PMM2: variants seen among roughly 807,000 people sequenced by gnomAD.
The protein encoded by PMM2 is phosphomannomutase 2, also known as mannose-6-phosphate isomerase.
Under a neutral mutation model 33.2 loss-of-function variants are expected in PMM2, and 35 were observed. That is an observed-to-expected ratio of 1.06 (90% CI 0.81 to 1.40). PMM2 has a LOEUF of 1.40. Among genes scored for constraint, PMM2 ranks in the 40% most tolerant of loss-of-function variants. The pLI is 0.00. For missense variants in PMM2, 386 were observed against 306.0 expected (o/e 1.26, Z -1.95); for synonymous variants, 153 against 114.7 (o/e 1.33, Z -2.13).
intron 7 of PMM2, among the ~76,000 whole-genome samples, chr16:8,846,714 T>C (rs1354914238): frequency 6.6e-6 from 1 of 152,110 alleles, no homozygotes; most frequent in East Asian, 1.9e-4. Context: ...GCCACAGAGC[T>C]GTGAGCAAGC....
At position 8,810,817 on chromosome 16, in the gene PMM2, T is replaced by G. The variant is rs537368631; in HGVS notation, c.348-262T>G. ...AAAATATGAGCATTTTAACACAAAG[T>G]CAATATACAACATGATTGATGCAAT... On this transcript the variant is annotated intron_variant, in intron 4 of 7. Transcript: ENST00000268261. 5.9e-6 allele frequency: 3 copies of G among 508,016 alleles called. No homozygotes were observed. In the East Asian group the frequency reaches 1.1e-4, roughly 19 times the overall value. The allele number at this position is 508,016 out of a possible 1,614,324, so 31.5% of individuals were successfully genotyped here.
At chr16:8,816,637 A>G (rs2060710161) in intron 7 of PMM2, among the ~76,000 whole-genome samples, 2 of 151,974 alleles carry the variant, frequency 1.3e-5, no homozygotes, top group South Asian at 4.2e-4. Flanking sequence ...GCTACTTGGG[A>G]GGCTGAGGCA....
intron 7 of PMM2, among the ~76,000 whole-genome samples, chr16:8,841,451 G>T (rs1327574422): frequency 7.0e-6 from 1 of 142,806 alleles, no homozygotes; most frequent in South Asian, 2.4e-4. Flanking sequence ...GCCAGTCCTG[G>T]GTGGGGGCAA....
At chr16:8,798,221 C>T (rs1025577966) in intron 1 of PMM2, among the ~76,000 whole-genome samples, 6 of 152,230 alleles carry the variant, frequency 3.9e-5, no homozygotes, top group South Asian at 2.1e-4. Context: ...TCTGGACTCA[C>T]CGCTAGTGCT....
chr16:8,798,122 G>A (rs970590390), intron 1 of PMM2, among the ~76,000 whole-genome samples, 174 bp downstream of exon 1: 2 of 152,238 alleles, frequency 1.3e-5, no homozygotes, highest in African/African-American at 4.8e-5. Context: ...GCCCTAACCA[G>A]CTCTTGAAGA....
At chr16:8,843,801 A>AGAC (rs1292762636) in intron 7 of PMM2, among the ~76,000 whole-genome samples, 1 of 152,202 alleles carries the variant, frequency 6.6e-6, no homozygotes, top group Non-Finnish European at 1.5e-5. Flanking sequence ...ATTGAGAATA[A>AGAC]GACGGCCTTT....
In PMM2 at chr16:8,848,710, TG is replaced by T. The variant is rs2060945652; in HGVS notation, c.*887del. On this transcript the variant is annotated 3_prime_UTR_variant, in exon 8 of 8. Coordinates refer to ENST00000268261, the MANE Select transcript of PMM2 (RefSeq NM_000303.3). Reference sequence around the variant, plus strand: ...TTCTGGTTGCCCCTGGCTGGCTTCCTGGAGGCGTTCGCCTCTAGTTTCTCAG... The same window carrying T: ...TTCTGGTTGCCCCTGGCTGGCTTCCTGAGGCGTTCGCCTCTAGTTTCTCAG... The T allele has an allele frequency of 6.6e-6, 1 of 152,306 alleles. No individual in the cohort carries two copies. Among genetic ancestry groups the T allele is most frequent in the South Asian group, 2.1e-4 (1 of 4,834 alleles). The allele number at this position is 152,306 out of a possible 1,614,324, so 9.4% of individuals were successfully genotyped here.
chr16:8,816,625 C>T (rs921259511), intron 7 of PMM2, among the ~76,000 whole-genome samples: 1 of 151,968 alleles, frequency 6.6e-6, no homozygotes, highest in African/African-American at 2.4e-5. Flanking sequence ...CCTGTCATCC[C>T]AGCTACTTGG....
At chr16:8,843,781 T>C (rs917869039) in intron 7 of PMM2, among the ~76,000 whole-genome samples, 1 of 152,156 alleles carries the variant, frequency 6.6e-6, no homozygotes, top group Non-Finnish European at 1.5e-5. Flanking sequence ...GATTGGGTAA[T>C]AAAATGTATA....
chr16:8,810,833 T>A, intron 4 of PMM2: 1 of 548,536 alleles, frequency 1.8e-6, no homozygotes, highest in South Asian at 2.0e-5. Context: ...TACAACATGA[T>A]TGATGCAATT....
intron 7 of PMM2, among the ~76,000 whole-genome samples, chr16:8,824,456 A>C (rs1476333936): frequency 6.6e-6 from 1 of 152,274 alleles, no homozygotes; most frequent in Non-Finnish European, 1.5e-5. Context: ...TTAACAGAAC[A>C]GTTATAATTA....
intron 7 of PMM2, 93 bp downstream of exon 7, chr16:8,813,199 T>C: frequency 3.6e-6 from 3 of 840,432 alleles, no homozygotes; most frequent in Non-Finnish European, 6.3e-6. Context: ...ACCTACACTT[T>C]ACCCACCCGC....
intron 6 of PMM2, 52 bp from the exon 7 acceptor site, chr16:8,812,939 A>T: frequency 1.0e-6 from 1 of 986,142 alleles, no homozygotes; most frequent in East Asian, 2.4e-5. Flanking sequence ...GTGACATATC[A>T]TTAGCCCCTT....
chr16:8,836,616 C>G (rs7198614), intron 7 of PMM2, among the ~76,000 whole-genome samples: 3 of 151,782 alleles, frequency 2.0e-5, no homozygotes, highest in South Asian at 4.2e-4. Flanking sequence ...CTATTACTGT[C>G]CACCTTGAAG....
At position 8,800,886 on chromosome 16, in the gene PMM2, G is replaced by A. The variant is rs549167574; in HGVS notation, c.67-913G>A. Among the ~76,000 whole-genome samples, 6 of 152,280 alleles carry A rather than the reference G, an allele frequency of 3.9e-5. No homozygotes were observed. The East Asian group carries it at 9.6e-4, about 24-fold the overall frequency. On this transcript the variant is annotated intron_variant, in intron 1 of 7. Coordinates refer to ENST00000268261, the MANE Select transcript of PMM2 (RefSeq NM_000303.3). Reference sequence around the variant, plus strand: ...TTTAATAGAGACAGGGTTTCGCCACGTTGGCCAGGCTGATCTCGAACTCTG... The same window carrying A: ...TTTAATAGAGACAGGGTTTCGCCACATTGGCCAGGCTGATCTCGAACTCTG...
chr16:8,807,163 A>ATTTTTTTTTTT (rs34373172), intron 4 of PMM2: 1 of 141,346 alleles, frequency 7.1e-6, no homozygotes, highest in Non-Finnish European at 1.5e-5. Context: ...TGCCCAGCTA[A>ATTTTTTTTTTT]TTTTTTTTTT....
chr16:8,842,010 C>T (rs11074949), intron 7 of PMM2, among the ~76,000 whole-genome samples: 88,518 of 146,106 alleles, frequency 0.61, 26,855 homozygotes, highest in Middle Eastern at 0.7. Context: ...GCGGCAGCCG[C>T]TGCACGCAGA....
chr16:8,800,049 T>A (rs914416894), intron 1 of PMM2, among the ~76,000 whole-genome samples: 1 of 152,184 alleles, frequency 6.6e-6, no homozygotes, highest in African/African-American at 2.4e-5. Context: ...TTTTTTGTAT[T>A]TTCTAAATTT....
intron 7 of PMM2, among the ~76,000 whole-genome samples, chr16:8,840,973 T>G (rs894344102): frequency 4.6e-5 from 7 of 151,820 alleles, no homozygotes; most frequent in Non-Finnish European, 1.0e-4. Flanking sequence ...TGGGATGAGG[T>G]TGGGGCCAAG....
Sources: gnomAD v4.1 joint callset for allele counts (sites outside exome capture counted in the v4.1 genomes callset) on GRCh38, gnomAD v4.1.1 for gene constraint, MANE v1.5 for transcripts, NCBI Gene and HGNC (gene_info 2026-07-23, HGNC 2026-07-21) for gene names.